Variants in IPCEF1 observed in about 807,000 individuals in gnomAD.
IPCEF1 encodes the protein interaction protein for cytohesin exchange factors 1.
A neutral mutation model predicts 50.9 loss-of-function variants in IPCEF1; 31 were observed. That is an observed-to-expected ratio of 0.61 (90% CI 0.46 to 0.82). The LOEUF is 0.82. Among genes scored for constraint, IPCEF1 ranks in the 40% least tolerant of loss-of-function variants. The pLI is 0.00. For synonymous variants in IPCEF1, 181 were observed against 192.0 expected, an observed-to-expected ratio of 0.94 and a Z score of 0.47; for missense variants, 458 against 514.0, an observed-to-expected ratio of 0.89 and a Z score of 1.05.
At chr6:154,327,346 A>T (rs1783547157) in intron 1 of IPCEF1, among the ~76,000 whole-genome samples, 1 of 152,226 alleles carries the variant, frequency 6.6e-6, no homozygotes, top group Non-Finnish European at 1.5e-5. Context: ...CAGAGTCTAC[A>T]AGGAACTTAA....
At chr6:154,299,951 T>C (rs1222921174) in intron 1 of IPCEF1, among the ~76,000 whole-genome samples, 1 of 140,922 alleles carries the variant, frequency 7.1e-6, no homozygotes, top group Non-Finnish European at 1.6e-5. Context: ...TTAGCAATTC[T>C]GTGCCCGAAT....
intron 3 of IPCEF1, among the ~76,000 whole-genome samples, chr6:154,250,830 C>G (rs1055508341): frequency 6.6e-6 from 1 of 152,222 alleles, no homozygotes; most frequent in African/African-American, 2.4e-5. Flanking sequence ...AAAATGGGCT[C>G]TCTGGTTGCA....
At chr6:154,275,951 G>A (rs1469431814) in intron 2 of IPCEF1, among the ~76,000 whole-genome samples, 3 of 152,050 alleles carry the variant, frequency 2.0e-5, no homozygotes, top group Admixed American at 2.0e-4. Context: ...AGGCCGAGGC[G>A]GGTGGATCAC....
At chr6:154,275,061 C>G (rs1422430765) in intron 2 of IPCEF1, among the ~76,000 whole-genome samples, 1 of 152,174 alleles carries the variant, frequency 6.6e-6, no homozygotes, top group Non-Finnish European at 1.5e-5. Flanking sequence ...CATAAACACA[C>G]ACACCCTAGT....
Position 154,180,712 on chromosome 6 carries a change from T to C in IPCEF1, c.911-12599A>G, listed in dbSNP as rs536883618. Among the ~76,000 whole-genome samples, 226 of 152,290 alleles carry C rather than the reference T, an allele frequency of 1.5e-3. 3 individuals are homozygous for C. Among genetic ancestry groups the C allele is most frequent in the African/African-American group, 5.3e-3 (219 of 41,568 alleles). On this transcript the variant is annotated intron_variant, in intron 10 of 11. Coordinates refer to ENST00000367220, the MANE Select transcript of IPCEF1 (RefSeq NM_001130700.2). Reference sequence around the variant, plus strand: ...TGGTCTTTCCTTGTGCTTTCTAGAATGTGGCTGTTTATTTTCTACTTAGAA... The same window carrying C: ...TGGTCTTTCCTTGTGCTTTCTAGAACGTGGCTGTTTATTTTCTACTTAGAA...
intron 11 of IPCEF1, 64 bp downstream of exon 11, chr6:154,167,856 T>C: frequency 1.6e-6 from 2 of 1,253,072 alleles, no homozygotes; most frequent in Non-Finnish European, 2.2e-6. Context: ...AGAATCTCTC[T>C]GCAGAACCAG....
chr6:154,288,595 C>T (rs919511028), intron 2 of IPCEF1, among the ~76,000 whole-genome samples: 4 of 146,784 alleles, frequency 2.7e-5, no homozygotes, highest in East Asian at 2.1e-4. Flanking sequence ...CCCAGGAGAC[C>T]GAGGTTGCAG....
At chr6:154,196,050 A>C (rs1018537962) in intron 10 of IPCEF1, among the ~76,000 whole-genome samples, 1 of 152,110 alleles carries the variant, frequency 6.6e-6, no homozygotes, top group African/African-American at 2.4e-5. Context: ...TCGGCCTCAC[A>C]AAGTGCTGGG....
chr6:154,244,818 T>A (rs558034188), intron 5 of IPCEF1, among the ~76,000 whole-genome samples: 67 of 152,290 alleles, frequency 4.4e-4, no homozygotes, highest in African/African-American at 1.4e-3. Flanking sequence ...AAGATGAACA[T>A]CCTCCTTCTA....
intron 1 of IPCEF1, among the ~76,000 whole-genome samples, chr6:154,324,585 A>C (rs1473008673): frequency 6.6e-6 from 1 of 152,174 alleles, no homozygotes; most frequent in African/African-American, 2.4e-5. Context: ...AGGCGGGCAG[A>C]TCACCTGAGG....
chr6:154,235,050 G>A (rs188735703), intron 5 of IPCEF1, among the ~76,000 whole-genome samples: 19 of 152,320 alleles, frequency 1.2e-4, no homozygotes, highest in African/African-American at 4.6e-4. Flanking sequence ...CAATACATAT[G>A]AAGGAAAGCT....
rs11753806 is a variant in IPCEF1 at position 154,313,770 on chromosome 6, G to C, written c.-61-24014C>G. ...TTGTTTTTTGTTTTTTTGAGACAGG[G>C]TCTCGCTCTGTCACCCAGGCTGGAG... is the stretch of plus-strand genomic sequence containing the variant. On this transcript the variant is annotated intron_variant, in intron 1 of 11. Transcript: ENST00000367220. 8.5e-3 allele frequency among the ~76,000 whole-genome samples: 1,289 copies of C among 151,986 alleles called. 18 individuals are homozygous for C. The highest frequency in any genetic ancestry group is 0.029 in the African/African-American group (1,215 of 41,458).
At chr6:154,352,221 C>T (rs1784131040) in intron 1 of IPCEF1, among the ~76,000 whole-genome samples, 1 of 152,016 alleles carries the variant, frequency 6.6e-6, no homozygotes, top group Non-Finnish European at 1.5e-5. Flanking sequence ...AAGTGCAGAT[C>T]ACAGTGTCTA....
rs1477763619 is a variant in IPCEF1 at position 154,209,528 on chromosome 6, T to C, written c.537+3242A>G. Among the ~76,000 whole-genome samples, 3 of 151,832 alleles carry C rather than the reference T, an allele frequency of 2.0e-5. No homozygotes were observed. The East Asian group carries it at 5.8e-4, about 29-fold the overall frequency. ...CAGGTATGGTGGTGCACACCTGTAG[T>C]CCCAGCTACTCGGGGGGCCGAGGTG... On this transcript the variant is annotated intron_variant, in intron 9 of 11. Coordinates refer to ENST00000367220, the MANE Select transcript of IPCEF1 (RefSeq NM_001130700.2).
At chr6:154,259,824 C>T (rs918268418) in intron 3 of IPCEF1, among the ~76,000 whole-genome samples, 39 of 152,208 alleles carry the variant, frequency 2.6e-4, no homozygotes, top group African/African-American at 9.4e-4. Flanking sequence ...GTCCTTGCCA[C>T]AGGAAATATG....
chr6:154,187,378 T>G (rs1801480227), intron 10 of IPCEF1, among the ~76,000 whole-genome samples: 1 of 152,346 alleles, frequency 6.6e-6, no homozygotes, highest in Middle Eastern at 3.4e-3. Context: ...CCCCTCAGTG[T>G]TAGCTCTGTA....
In IPCEF1 at chr6:154,267,147, A is replaced by AAC. The variant is rs1554300246; in HGVS notation, c.-17-1184_-17-1183insGT. 1.7e-4 allele frequency among the ~76,000 whole-genome samples: 26 copies of AAC among 152,042 alleles called. 1 individual carries two copies. Among genetic ancestry groups the AAC allele is most frequent in the Admixed American group, 2.6e-4 (4 of 15,280 alleles). ...AATTTTAACTTATTTCTTAAAAAAA[A>AAC]ATTAAAACCTAAATTTAAAAAATCA... On this transcript the variant is annotated intron_variant, in intron 2 of 11. Coordinates refer to ENST00000367220, the MANE Select transcript of IPCEF1 (RefSeq NM_001130700.2).
chr6:154,212,202 T>G (rs1039092892), intron 9 of IPCEF1, among the ~76,000 whole-genome samples: 1 of 152,214 alleles, frequency 6.6e-6, no homozygotes, highest in African/African-American at 2.4e-5. Context: ...TAACTCTCCA[T>G]AGACTTCACA....
At chr6:154,332,030 G>C (rs1171047260) in intron 1 of IPCEF1, among the ~76,000 whole-genome samples, 1 of 152,128 alleles carries the variant, frequency 6.6e-6, no homozygotes, top group Non-Finnish European at 1.5e-5. Context: ...ACTTGCCTCA[G>C]TCTCTCACTC....
Sources: allele counts gnomAD v4.1 joint callset (sites outside exome capture counted in the v4.1 genomes callset), GRCh38; gene constraint gnomAD v4.1.1; transcripts MANE v1.5; gene names NCBI Gene and HGNC (gene_info 2026-07-23, HGNC 2026-07-21).